Variants in PHF12 observed in about 807,000 individuals in gnomAD.
PHF12 encodes the protein PHD finger protein 12, also known as PHD factor 1.
PHF12 carries 6 observed loss-of-function variants against 99.8 expected under a neutral mutation model. The observed-to-expected ratio is 0.06, with a 90% CI of 0.03 to 0.12. PHF12 has a LOEUF of 0.12. Among genes scored for constraint, PHF12 ranks in the 10% least tolerant of loss-of-function variants. The pLI is 1.00. For synonymous variants in PHF12, 480 were observed against 514.9 expected, an observed-to-expected ratio of 0.93 and a Z score of 0.92; for missense variants, 954 against 1,300.1, an observed-to-expected ratio of 0.73 and a Z score of 4.09.
intron 2 of PHF12, chr17:28,945,527 G>A (rs560806696): frequency 2.0e-5 from 3 of 152,256 alleles, no homozygotes; most frequent in Admixed American, 6.5e-5. Context: ...GAGGTCTGCC[G>A]AGGTAGATGC....
chr17:28,941,672 G>A (rs2040618609), intron 2 of PHF12, among the ~76,000 whole-genome samples: 1 of 151,836 alleles, frequency 6.6e-6, no homozygotes, highest in African/African-American at 2.4e-5. Context: ...GTGCAATGGC[G>A]TGATCACTGC....
intron 8 of PHF12, 68 bp downstream of exon 8, chr17:28,913,811 T>C: frequency 6.5e-7 from 1 of 1,548,026 alleles, no homozygotes; most frequent in Non-Finnish European, 8.8e-7. Context: ...CTGAGGCTAC[T>C]TCTGATAACA....
chr17:28,941,085 C>T (rs945851898), intron 2 of PHF12, among the ~76,000 whole-genome samples: 3 of 149,466 alleles, frequency 2.0e-5, no homozygotes, highest in Non-Finnish European at 4.4e-5. Context: ...AAACGCTGGA[C>T]CTTAAAACTT....
intron 5 of PHF12, 100 bp from the exon 6 acceptor site, chr17:28,919,375 TCCCCTCCTTGATCCTAACATTC>T: frequency 1.4e-6 from 1 of 723,724 alleles, no homozygotes; most frequent in Non-Finnish European, 2.2e-6. Flanking sequence ...CCTAACATTC[TCCCCTCCTTGATCCTAACATTC>T]TCCCCTATCT....
chr17:28,951,408 C>G lies in PHF12; in HGVS notation c.-448G>C. The G allele has an allele frequency of 2.0e-6, 2 of 987,612 alleles. No homozygotes were observed. The highest frequency in any genetic ancestry group is 1.2e-6 in the Non-Finnish European group (1 of 831,402). 61.2% of individuals were successfully genotyped at this position (987,612 alleles called of 1,614,324 possible). Reference sequence around the variant, plus strand: ...GTGATGGGGGGTGGTCCCCGGGCTCCGCCTCTCGCCGCCGCCGCCGTCTGC... The same window carrying G: ...GTGATGGGGGGTGGTCCCCGGGCTCGGCCTCTCGCCGCCGCCGCCGTCTGC... On this transcript the variant is annotated 5_prime_UTR_variant, in exon 1 of 15. Transcript: ENST00000332830.
chr17:28,923,651 C>CAAAAAAAAAAAAAAAAAAAAAAAAAAA (rs1491183033), intron 4 of PHF12, among the ~76,000 whole-genome samples: 20 of 21,970 alleles, frequency 9.1e-4, no homozygotes, highest in African/African-American at 1.6e-3. Context: ...AAGTGAGACT[C>CAAAAAAAAAAAAAAAAAAAAAAAAAAA]ACAAAAAAAA....
At chr17:28,909,186 T>C (rs780888317) in intron 11 of PHF12, 1 of 330,748 alleles carries the variant, frequency 3.0e-6, no homozygotes, top group Admixed American at 4.2e-5. Context: ...GCTGGTACTA[T>C]AGGGAGAATA....
intron 2 of PHF12, among the ~76,000 whole-genome samples, chr17:28,946,250 AT>A (rs1490741622): frequency 6.6e-6 from 1 of 152,242 alleles, no homozygotes; most frequent in Non-Finnish European, 1.5e-5. Flanking sequence ...GGATAAAATG[AT>A]TACACTATCA....
chr17:28,947,874 C>G (rs1239200577), intron 2 of PHF12, among the ~76,000 whole-genome samples: 1 of 150,374 alleles, frequency 6.7e-6, no homozygotes, highest in African/African-American at 2.5e-5. Context: ...TTACCAGTTC[C>G]CATTCAATGC....
chr17:28,907,780 C>T, intron 12 of PHF12, 108 bp from the exon 13 acceptor site: 1 of 981,720 alleles, frequency 1.0e-6, no homozygotes, highest in Non-Finnish European at 1.6e-6. Context: ...TTGGCACTAG[C>T]AGAGACTTCA....
At chr17:28,944,386 A>T in intron 2 of PHF12, 1 of 694,410 alleles carries the variant, frequency 1.4e-6, no homozygotes, top group Non-Finnish European at 1.8e-6. Flanking sequence ...TTTCAAGAGT[A>T]TAACCTCCTT....
chr17:28,949,499 C>T lies in PHF12; in HGVS notation c.248+566G>A, dbSNP rs764984131. 1.3e-5 allele frequency among the ~76,000 whole-genome samples: 2 copies of T among 152,166 alleles called. No homozygotes were observed. The highest frequency in any genetic ancestry group is 2.9e-5 in the Non-Finnish European group (2 of 68,024). Reference sequence around the variant, plus strand: ...AATCATATATGCAGCCAAAATGGCGCTGAGAATAAAAATATAATTTAAAGG... The same window carrying T: ...AATCATATATGCAGCCAAAATGGCGTTGAGAATAAAAATATAATTTAAAGG... On this transcript the variant is annotated intron_variant, in intron 2 of 14. Coordinates refer to ENST00000332830, the MANE Select transcript of PHF12 (RefSeq NM_001033561.2). This position sits in a 1 kb window ranked among gnomAD's most constrained non-coding sequence, Gnocchi z 4.6.
At chr17:28,933,655 C>T (rs2040455565) in intron 2 of PHF12, among the ~76,000 whole-genome samples, 1 of 152,178 alleles carries the variant, frequency 6.6e-6, no homozygotes, top group Non-Finnish European at 1.5e-5. Flanking sequence ...CCTTCTACAT[C>T]AGTCAATATT....
Position 28,906,950 on chromosome 17 carries a change from T to A in PHF12, c.2586A>T (p.Thr862=). The stretch of plus-strand genomic sequence containing the variant: ...ATGAATACAGCACATTGTCCACCGT[T>A]GTCCCATGCTCACTGTAGTTTAACA... ...YELLNYSEHG[T]TVDNVLYSCD... The change falls in exon 14 of 15, where the codon ACA becomes ACT. Residue 862 remains threonine, a synonymous_variant. Transcript: ENST00000332830. This position sits in a 1 kb window ranked among gnomAD's most constrained non-coding sequence, Gnocchi z 4.2. 6.2e-7 allele frequency: 1 copy of A among 1,613,462 alleles called. No homozygotes were observed. Among genetic ancestry groups the A allele is most frequent in the South Asian group, 1.1e-5 (1 of 91,030 alleles).
Position 28,951,500 on chromosome 17 carries a change from C to T in PHF12, c.-540G>A. 1.0e-6 allele frequency: 1 copy of T among 982,162 alleles called. No homozygotes were observed. Among genetic ancestry groups the T allele is most frequent in the Non-Finnish European group, 1.2e-6 (1 of 828,926 alleles). 60.8% of individuals were successfully genotyped at this position (982,162 alleles called of 1,614,324 possible). A position where few individuals can be genotyped will look rare whatever the true frequency, so the allele number is the denominator to read the frequency against. ...CCCGCAAAGCCACCCGCGCAGGCGC[C>T]CCGGGATCGGCGCTCGCCGCGCGCA... On this transcript the variant is annotated 5_prime_UTR_variant, in exon 1 of 15. Transcript: ENST00000332830.
chr17:28,944,524 G>A lies in PHF12; in HGVS notation c.248+5541C>T, dbSNP rs563108088. The A allele has an allele frequency of 2.0e-5, 20 of 983,800 alleles. No individual in the cohort carries two copies. The South Asian group carries it at 8.0e-4, about 39-fold the overall frequency. 60.9% of individuals were successfully genotyped at this position (983,800 alleles called of 1,614,324 possible). A position where few individuals can be genotyped will look rare whatever the true frequency, so the allele number is the denominator to read the frequency against. On this transcript the variant is annotated intron_variant, in intron 2 of 14. Coordinates refer to ENST00000332830, the MANE Select transcript of PHF12 (RefSeq NM_001033561.2). ...TTACCGTATCTTCCATATTTAGGTG[G>A]ACCAGTAAGACAACATGACACGTAA...
chr17:28,906,414 G>A lies in PHF12; in HGVS notation c.2784C>T (p.Ala928=). 1.2e-6 allele frequency: 2 copies of A among 1,614,236 alleles called. No homozygotes were observed. The highest frequency in any genetic ancestry group is 2.2e-5 in the East Asian group (1 of 44,894). The change falls in exon 15 of 15, where the codon GCC becomes GCT. Residue 928 remains alanine (A), a synonymous_variant. Transcript: ENST00000332830. The surrounding 1 kb of genome is among the most constrained non-coding windows in gnomAD (Gnocchi z 4.2). ...GPQRRPCNCK[A]SSSSLIGGSG... ...TGCCCCCAATCAAGCTCGAGCTGCT[G>A]GCTTTGCAATTGCAGGGTCTCCGCT...
intron 2 of PHF12, among the ~76,000 whole-genome samples, chr17:28,935,454 T>C (rs1257797025): frequency 1.3e-5 from 2 of 152,140 alleles, no homozygotes; most frequent in East Asian, 3.9e-4. Context: ...GTCTTTTTAG[T>C]AGAGATGGGG....
At chr17:28,942,029 G>A (rs1369710266) in intron 2 of PHF12, among the ~76,000 whole-genome samples, 2 of 152,146 alleles carry the variant, frequency 1.3e-5, no homozygotes, top group Admixed American at 6.5e-5. Flanking sequence ...TGGATTTTTT[G>A]TACTTCCTCT....
Sources: allele counts gnomAD v4.1 joint callset (sites outside exome capture counted in the v4.1 genomes callset), GRCh38; gene constraint gnomAD v4.1.1; non-coding constraint Gnocchi (gnomAD v3.1); transcripts MANE v1.5; gene names NCBI Gene and HGNC (gene_info 2026-07-23, HGNC 2026-07-21).